SCAF8: variants seen among roughly 807,000 people sequenced by gnomAD.
SCAF8 encodes the protein SR-related CTD associated factor 8, also known as SR-related and CTD-associated factor 8.
In SCAF8, 23 loss-of-function variants were observed where a neutral mutation model predicts 140.5. That is an observed-to-expected ratio of 0.16 (90% CI 0.12 to 0.23). SCAF8 has a LOEUF of 0.23. SCAF8 is among the 10% of genes least tolerant of loss of function. The pLI, the probability that SCAF8 is intolerant of heterozygous loss-of-function variation, is 1.00. For synonymous variants in SCAF8, 575 were observed against 528.9 expected (o/e 1.09, Z -1.20); for missense variants, 1,397 against 1,555.7 (o/e 0.90, Z 1.72).
intron 12 of SCAF8, among the ~76,000 whole-genome samples, chr6:154,814,138 G>A (rs930459649): frequency 6.6e-6 from 1 of 152,068 alleles, no homozygotes; most frequent in Admixed American, 6.5e-5. Context: ...CCTGGGCAAC[G>A]TGGTGAAACC....
intron 19 of SCAF8, 131 bp downstream of exon 19, chr6:154,831,271 G>T (rs1271606438): frequency 1.7e-6 from 1 of 586,752 alleles, no homozygotes; most frequent in Admixed American, 3.2e-5. Flanking sequence ...TTTTAAAAGA[G>T]ATCACTATGT....
At chr6:154,771,503 G>T (rs931462943) in intron 1 of SCAF8, among the ~76,000 whole-genome samples, 4 of 152,138 alleles carry the variant, frequency 2.6e-5, no homozygotes, top group Admixed American at 2.0e-4. Context: ...AAATATACAG[G>T]TTTTTTTGTA....
intron 12 of SCAF8, among the ~76,000 whole-genome samples, chr6:154,812,928 C>G (rs1778138734): frequency 6.6e-6 from 1 of 151,800 alleles, no homozygotes; most frequent in African/African-American, 2.4e-5. Flanking sequence ...CCAGGTGCAG[C>G]GGCTCACACC....
At chr6:154,767,374 G>A (rs968722216) in intron 1 of SCAF8, among the ~76,000 whole-genome samples, 64 of 151,284 alleles carry the variant, frequency 4.2e-4, no homozygotes, top group African/African-American at 1.3e-3. Flanking sequence ...GTTCTTTGTG[G>A]TATTTTTTTT....
At chr6:154,811,643 T>C (rs1778093569) in intron 12 of SCAF8, among the ~76,000 whole-genome samples, 1 of 152,086 alleles carries the variant, frequency 6.6e-6, no homozygotes, top group South Asian at 2.1e-4. Flanking sequence ...ACACATCAAC[T>C]TGTCGTTTAC....
At chr6:154,783,169 C>G (rs1562443514) in intron 3 of SCAF8, among the ~76,000 whole-genome samples, 1 of 152,098 alleles carries the variant, frequency 6.6e-6, no homozygotes, top group African/African-American at 2.4e-5. Flanking sequence ...AAATGAAATC[C>G]TCAGCTCTGT....
chr6:154,747,506 A>C (rs965920177), intron 1 of SCAF8, among the ~76,000 whole-genome samples: 5 of 152,066 alleles, frequency 3.3e-5, no homozygotes, highest in African/African-American at 1.2e-4. Context: ...GCAAGACCCT[A>C]TCTCAAAACA....
chr6:154,828,046 AT>A (rs1778621266), intron 18 of SCAF8, among the ~76,000 whole-genome samples: 1 of 152,092 alleles, frequency 6.6e-6, no homozygotes, highest in Non-Finnish European at 1.5e-5. Flanking sequence ...CTTAGTTTGC[AT>A]TTTGATTCAC....
At chr6:154,780,983 C>G (rs1414949080) in intron 3 of SCAF8, among the ~76,000 whole-genome samples, 1 of 151,960 alleles carries the variant, frequency 6.6e-6, no homozygotes, top group East Asian at 1.9e-4. Context: ...ATTTACATTC[C>G]CACCAAGAGT....
chr6:154,774,615 T>G (rs1776866645), intron 2 of SCAF8, among the ~76,000 whole-genome samples: 1 of 152,202 alleles, frequency 6.6e-6, no homozygotes, highest in Non-Finnish European at 1.5e-5. Context: ...TCATTTTTTC[T>G]TATTGATTCT....
intron 18 of SCAF8, among the ~76,000 whole-genome samples, chr6:154,830,060 T>C (rs1425661837): frequency 6.6e-6 from 1 of 152,218 alleles, no homozygotes; most frequent in Non-Finnish European, 1.5e-5. Context: ...TCCCAATTTT[T>C]TCCTAGTCCA....
chr6:154,774,048 T>C lies in SCAF8; in HGVS notation c.90T>C (p.Thr30=), dbSNP rs200144396. ...CGAAAGCGAAAATGACCCAAATTAC[T>C]AAGGCAGCCATCAAAGCTATTAAGG... is the stretch of plus-strand genomic sequence containing the variant. The part of the protein sequence containing the change: ...PISKAKMTQI[T]KAAIKAIKFY... Residue 30 remains threonine (T), a synonymous_variant, in exon 2 of 20, where the codon ACT becomes ACC. Coordinates refer to ENST00000367178, the MANE Select transcript of SCAF8 (RefSeq NM_014892.5). 2.5e-6 allele frequency: 4 copies of C among 1,611,422 alleles called. No homozygotes were observed. In the East Asian group the frequency reaches 8.9e-5, roughly 36 times the overall value.
intron 6 of SCAF8, among the ~76,000 whole-genome samples, chr6:154,800,176 A>C (rs1264941296): frequency 6.6e-6 from 1 of 151,158 alleles, no homozygotes; most frequent in African/African-American, 2.4e-5. Flanking sequence ...CTTAGCACTT[A>C]CTACCTTCTG....
intron 18 of SCAF8, among the ~76,000 whole-genome samples, chr6:154,827,811 C>G (rs1169963789): frequency 6.8e-6 from 1 of 147,956 alleles, no homozygotes; most frequent in Admixed American, 6.8e-5. Flanking sequence ...GTCCTCCTGC[C>G]CCACACCTTT....
chr6:154,765,793 G>A (rs1341285335), intron 1 of SCAF8, among the ~76,000 whole-genome samples: 6 of 152,120 alleles, frequency 3.9e-5, no homozygotes, highest in Non-Finnish European at 7.4e-5. Context: ...GGCATTCATT[G>A]AAGAATTAGA....
chr6:154,821,595 T>A (rs1236168659), intron 15 of SCAF8, among the ~76,000 whole-genome samples: 1 of 152,116 alleles, frequency 6.6e-6, no homozygotes, highest in Non-Finnish European at 1.5e-5. Context: ...TTGTAGAAGA[T>A]CTGATGGAGA....
intron 18 of SCAF8, among the ~76,000 whole-genome samples, chr6:154,829,261 G>T (rs1778658385): frequency 6.6e-6 from 1 of 150,726 alleles, no homozygotes; most frequent in Non-Finnish European, 1.5e-5. Flanking sequence ...ATTTTTATGG[G>T]ATATGCACTC....
At chr6:154,754,019 A>G (rs1187457109) in intron 1 of SCAF8, among the ~76,000 whole-genome samples, 1 of 152,142 alleles carries the variant, frequency 6.6e-6, no homozygotes. Flanking sequence ...TTGTTTTTGT[A>G]ATATTTTCTC....
intron 18 of SCAF8, among the ~76,000 whole-genome samples, chr6:154,828,780 T>A (rs1344035009): frequency 6.6e-6 from 1 of 152,190 alleles, no homozygotes; most frequent in East Asian, 1.9e-4. Context: ...TGGACAAAAC[T>A]AGAAAATGTG....
Sources: allele counts gnomAD v4.1 joint callset (sites outside exome capture counted in the v4.1 genomes callset), GRCh38; gene constraint gnomAD v4.1.1; transcripts MANE v1.5; gene names NCBI Gene and HGNC (gene_info 2026-07-23, HGNC 2026-07-21).